Variants in MPDZ observed in about 807,000 individuals in gnomAD.
MPDZ encodes the protein multiple PDZ domain crumbs cell polarity complex component.
MPDZ carries 234 observed loss-of-function variants against 239.1 expected under a neutral mutation model. The ratio of observed to expected loss-of-function variants is 0.98; its 90% CI spans 0.88 to 1.09. The LOEUF (loss-of-function observed/expected upper bound fraction) is 1.09. MPDZ is among the 50% of genes least tolerant of loss of function. MPDZ has a pLI of 0.00. For synonymous variants in MPDZ, 1,048 were observed against 881.3 expected, an observed-to-expected ratio of 1.19 and a Z score of -3.35; for missense variants, 3,175 against 2,510.0, an observed-to-expected ratio of 1.26 and a Z score of -5.66.
At chr9:13,124,279 A>G (rs556165274) in intron 35 of MPDZ, among the ~76,000 whole-genome samples, 2 of 152,360 alleles carry the variant, frequency 1.3e-5, no homozygotes, top group African/African-American at 4.8e-5. Context: ...AATTTCCATA[A>G]AATCTTTTAA....
At chr9:13,253,705 CT>C (rs1968699068) in intron 1 of MPDZ, among the ~76,000 whole-genome samples, 2 of 152,212 alleles carry the variant, frequency 1.3e-5, no homozygotes, top group South Asian at 2.1e-4. Context: ...AATTTTCTTT[CT>C]TTTTTTCTGG....
chr9:13,217,111 A>G (rs1391708342), intron 9 of MPDZ, 69 bp downstream of exon 9: 5 of 1,095,502 alleles, frequency 4.6e-6, no homozygotes, highest in Non-Finnish European at 4.0e-6. Context: ...TATCAACTCA[A>G]TATTTTATAA....
In MPDZ at chr9:13,183,552, A is replaced by T; in HGVS notation, c.2515T>A (p.Ser839Thr). The T allele has an allele frequency of 6.2e-7, 1 of 1,612,548 alleles. No individual in the cohort carries two copies. Among genetic ancestry groups the T allele is most frequent in the Non-Finnish European group, 8.5e-7 (1 of 1,179,044 alleles). Residue 839 changes from serine to threonine, a missense_variant, in exon 19 of 47, where the codon TCC becomes ACC. Transcript: ENST00000319217. ...GGAGAGTATGGAGACTCAAATGTGG[A>T]TTCATCTACTAAGTCAGCATCATTT... ...GTNDADLVDE[S>T]TFESPYSPEN...
In MPDZ at chr9:13,250,287, G is replaced by C. The variant is rs562756674; in HGVS notation, c.16+13C>G. ...AATTCTTATAAAAGTAGGCAGAAAA[G>C]AATAAGTCTTACCAATGGCTTCCAA... On this transcript the variant is annotated intron_variant, in intron 2 of 46. Transcript: ENST00000319217. 3.1e-6 allele frequency: 5 copies of C among 1,592,836 alleles called. No individual in the cohort carries two copies. Among genetic ancestry groups the C allele is most frequent in the Non-Finnish European group, 4.3e-6 (5 of 1,168,616 alleles).
At chr9:13,166,185 G>A (rs1233446089) in intron 22 of MPDZ, among the ~76,000 whole-genome samples, 1 of 152,114 alleles carries the variant, frequency 6.6e-6, no homozygotes, top group Non-Finnish European at 1.5e-5. Context: ...AGCTTAATGG[G>A]CCTGAGGCAA....
chr9:13,163,251 A>G (rs1157093361), intron 22 of MPDZ, among the ~76,000 whole-genome samples: 1 of 152,186 alleles, frequency 6.6e-6, no homozygotes, highest in Non-Finnish European at 1.5e-5. Flanking sequence ...GCATCTTTCT[A>G]TAATACATAA....
At position 13,242,215 on chromosome 9, in the gene MPDZ, C is replaced by CTT. The variant is rs145555644; in HGVS notation, c.183+5418_183+5419dup. ...ACTACCTTAATTTTATGTTAGGATG[C>CTT]TTTTTTTTTTTTTTTTTTTTTTTTT... On this transcript the variant is annotated intron_variant, in intron 3 of 46. Transcript: ENST00000319217. Among the ~76,000 whole-genome samples, 154 of 50,794 alleles carry CTT rather than the reference C, an allele frequency of 3.0e-3. 26 individuals are homozygous for CTT. Among genetic ancestry groups the CTT allele is most frequent in the African/African-American group, 0.011 (126 of 11,978 alleles). The allele number at this position is 50,794 out of a possible 152,430, so 33.3% of individuals were successfully genotyped here. A position where few individuals can be genotyped will look rare whatever the true frequency, so the allele number is the denominator to read the frequency against.
intron 21 of MPDZ, among the ~76,000 whole-genome samples, chr9:13,175,105 G>A (rs887836647): frequency 1.3e-5 from 2 of 152,184 alleles, no homozygotes; most frequent in Non-Finnish European, 2.9e-5. Context: ...GAAAGACAGG[G>A]CTGAGTCACA....
intron 39 of MPDZ, among the ~76,000 whole-genome samples, chr9:13,117,693 A>G (rs1300945658): frequency 6.6e-6 from 1 of 152,196 alleles, no homozygotes; most frequent in African/African-American, 2.4e-5. Context: ...GTGCATGAGG[A>G]ACTTTACGTG....
At chr9:13,155,509 G>A (rs977640976) in intron 24 of MPDZ, among the ~76,000 whole-genome samples, 2 of 151,988 alleles carry the variant, frequency 1.3e-5, no homozygotes. Flanking sequence ...AGATCTTTAA[G>A]TATCAAGCTT....
chr9:13,120,221 C>G (rs1774223756), intron 38 of MPDZ: 1 of 151,196 alleles, frequency 6.6e-6, no homozygotes. Context: ...AAACACAAAT[C>G]TTATTCCCAT....
chr9:13,159,049 CA>C (rs1404188239), intron 23 of MPDZ, among the ~76,000 whole-genome samples: 2 of 152,080 alleles, frequency 1.3e-5, no homozygotes, highest in South Asian at 2.1e-4. Context: ...ACTGAAGAAT[CA>C]AAAGAAAGTA....
chr9:13,123,421 A>G lies in MPDZ; in HGVS notation c.4808-123T>C, dbSNP rs578149829. The G allele has an allele frequency of 1.1e-3, 723 of 686,350 alleles. 10 individuals carry two copies. The South Asian group carries it at 0.011, about 11-fold the overall frequency. 42.5% of individuals were successfully genotyped at this position (686,350 alleles called of 1,614,324 possible). A position where few individuals can be genotyped will look rare whatever the true frequency, so the allele number is the denominator to read the frequency against. ...GAAATGGGCCCATGACTGTGGGAAA[A>G]GAGACTTTGTATTTACCTCAATCTT... On this transcript the variant is annotated intron_variant, in intron 35 of 46. Transcript: ENST00000319217.
Position 13,136,114 on chromosome 9 carries a change from G to C in MPDZ, c.4361C>G (p.Ser1454Ter). ...TACCTCCTTATTTTGAAGATTTTCT[G>C]AGTTAGAAGGCAAAGGTTCTACTGC... Reference protein sequence around the residue: ...GNAVEPLPSNSENLQNKETEP... With the variant: ...GNAVEPLPSN The change falls in exon 31 of 47, where the codon TCA becomes TGA. Residue 1454 changes from serine to a stop codon, truncating the protein, a stop_gained. Coordinates refer to ENST00000319217, the MANE Select transcript of MPDZ (RefSeq NM_001378778.1). LOFTEE classifies it high-confidence loss of function. 1 of 1,611,598 alleles carries C rather than the reference G, an allele frequency of 6.2e-7. No homozygotes were observed. The highest frequency in any genetic ancestry group is 1.1e-5 in the South Asian group (1 of 90,830).
At chr9:13,197,093 AG>A (rs1955745740) in intron 12 of MPDZ, among the ~76,000 whole-genome samples, 1 of 151,706 alleles carries the variant, frequency 6.6e-6, no homozygotes, top group African/African-American at 2.4e-5. Context: ...CATATTTTGT[AG>A]GTCTGTTATG....
intron 3 of MPDZ, among the ~76,000 whole-genome samples, chr9:13,236,263 ATATATTTTT>A (rs1963983988): frequency 7.2e-4 from 10 of 13,820 alleles, no homozygotes; most frequent in Non-Finnish European, 1.1e-3. Flanking sequence ...ATATATATAT[ATATATTTTT>A]TTTTTTTTTT....
intron 21 of MPDZ, 133 bp from the exon 22 acceptor site, chr9:13,168,697 A>G (rs1951399248): frequency 7.0e-6 from 5 of 710,894 alleles, no homozygotes; most frequent in Non-Finnish European, 1.1e-5. Flanking sequence ...AAGCATAGCA[A>G]AAACAGGAAA....
intron 1 of MPDZ, among the ~76,000 whole-genome samples, chr9:13,264,716 T>A (rs1246125602): frequency 6.6e-6 from 1 of 151,990 alleles, no homozygotes; most frequent in Non-Finnish European, 1.5e-5. Context: ...TCTAACACCT[T>A]CTCTCTGAAC....
At chr9:13,117,096 TAA>T (rs745520908) in intron 39 of MPDZ, among the ~76,000 whole-genome samples, 24 of 152,202 alleles carry the variant, frequency 1.6e-4, no homozygotes, top group African/African-American at 2.9e-4. Flanking sequence ...AAATTAGACA[TAA>T]GAGGATAATA....
Sources: gnomAD v4.1 joint callset for allele counts (sites outside exome capture counted in the v4.1 genomes callset) on GRCh38, gnomAD v4.1.1 for gene constraint, MANE v1.5 for transcripts, NCBI Gene and HGNC (gene_info 2026-07-23, HGNC 2026-07-21) for gene names.